The following PATE4 variants were observed in gnomAD, a reference collection of about 807,000 sequenced individuals.
PATE4 encodes the protein prostate and testis expressed protein 4.
Under a neutral mutation model 8.5 loss-of-function variants are expected in PATE4, and 13 were observed. The ratio of observed to expected loss-of-function variants is 1.53; its 90% CI spans 1.00 to 2.43. PATE4 has a LOEUF of 2.43. Among genes scored for constraint, PATE4 ranks in the 30% most tolerant of loss-of-function variants. The pLI, the probability that PATE4 is intolerant of heterozygous loss-of-function variation, is 0.00. For missense variants in PATE4, 127 were observed against 115.5 expected, an observed-to-expected ratio of 1.10 and a Z score of -0.46; for synonymous variants, 47 against 39.3, an observed-to-expected ratio of 1.20 and a Z score of -0.73.
chr11:125,835,967 T>G (rs1409590267), intron 1 of PATE4: 1 of 151,886 alleles, frequency 6.6e-6, no homozygotes, highest in Admixed American at 6.6e-5. Context: ...TACGTGTGTG[T>G]GGGTGGGTGG....
At chr11:125,835,375 T>A (rs1397887497) in intron 1 of PATE4, 1 of 152,206 alleles carries the variant, frequency 6.6e-6, no homozygotes, top group African/African-American at 2.4e-5. Context: ...TTGCATTACA[T>A]ACAAGCAGGG....
rs890847069 is a variant in PATE4 at position 125,838,387 on chromosome 11, T to C, written c.257T>C (p.Val86Ala). ...EESSKRGLLRVTLCCDRNFCN... is the reference protein window; with the variant it reads ...EESSKRGLLRATLCCDRNFCN... ...TCCTCCAAAAGAGGCCTGTTGAGAG[T>C]GACACTGTGCTGTGACAGAAACTTC... The change falls in exon 3 of 3, where the codon GTG becomes GCG. Residue 86 changes from valine to alanine, a missense_variant. Coordinates refer to ENST00000457514, the MANE Select transcript of PATE4 (RefSeq NM_001144874.1). 6.4e-7 allele frequency: 1 copy of C among 1,551,316 alleles called. No homozygotes were observed. Among genetic ancestry groups the C allele is most frequent in the Non-Finnish European group, 8.7e-7 (1 of 1,146,852 alleles).
In PATE4 at chr11:125,838,584, C is replaced by A; in HGVS notation, c.*157C>A. The A allele has an allele frequency of 1.4e-6, 1 of 714,222 alleles. No homozygotes were observed. The highest frequency in any genetic ancestry group is 3.1e-5 in the South Asian group (1 of 32,090). 44.2% of individuals were successfully genotyped at this position (714,222 alleles called of 1,614,324 possible). On this transcript the variant is annotated 3_prime_UTR_variant, in exon 3 of 3. Transcript: ENST00000457514. ...CTCATTGCAATGAAGGGGCTCCCCACACCCCACCTCCACCACTAGATTCCT... is the reference window on the plus strand; with the variant it reads ...CTCATTGCAATGAAGGGGCTCCCCAAACCCCACCTCCACCACTAGATTCCT...
chr11:125,837,513 T>C (rs1184637938), intron 1 of PATE4, among the ~76,000 whole-genome samples: 5 of 152,222 alleles, frequency 3.3e-5, no homozygotes, highest in Admixed American at 6.5e-5. Flanking sequence ...TTAGCTAAAG[T>C]ATTCCCCTGC....
chr11:125,833,559 T>A, intron 1 of PATE4, 142 bp downstream of exon 1: 1 of 691,528 alleles, frequency 1.4e-6, no homozygotes. Context: ...AGAGAGATCA[T>A]ATATAACACA....
At chr11:125,838,044 G>T in intron 2 of PATE4, 60 bp downstream of exon 2, 1 of 1,310,822 alleles carries the variant, frequency 7.6e-7, no homozygotes, top group Non-Finnish European at 1.1e-6. Context: ...TCTTGCTAGT[G>T]CCTGGAATAA....
intron 1 of PATE4, among the ~76,000 whole-genome samples, chr11:125,834,015 T>A (rs73621110): frequency 0.023 from 3,507 of 152,316 alleles, 131 homozygotes; most frequent in African/African-American, 0.078. Context: ...TAGTGAATGA[T>A]TCCTATGCTT....
intron 1 of PATE4, 86 bp downstream of exon 1, chr11:125,833,503 C>T: frequency 8.1e-7 from 1 of 1,234,648 alleles, no homozygotes; most frequent in Non-Finnish European, 1.2e-6. Context: ...CTCACATGCT[C>T]CAGCTGAGAC....
Position 125,833,434 on chromosome 11 carries a change from G to C in PATE4, c.58+17G>C. The C allele has an allele frequency of 3.9e-6, 6 of 1,550,004 alleles. No homozygotes were observed. The highest frequency in any genetic ancestry group is 2.0e-5 in the Admixed American group (1 of 50,988). Reference sequence around the variant, plus strand: ...TCAAAGAGGGTAAGTTTGAACAATGGGGGTGGAGGGAGGCAACTTAGGGGT... The same window carrying C: ...TCAAAGAGGGTAAGTTTGAACAATGCGGGTGGAGGGAGGCAACTTAGGGGT... On this transcript the variant is annotated intron_variant, in intron 1 of 2. Coordinates refer to ENST00000457514, the MANE Select transcript of PATE4 (RefSeq NM_001144874.1).
intron 1 of PATE4, among the ~76,000 whole-genome samples, 159 bp from the exon 2 acceptor site, chr11:125,837,709 C>G (rs1192930661): frequency 2.0e-5 from 3 of 152,172 alleles, no homozygotes; most frequent in African/African-American, 7.2e-5. Flanking sequence ...CACCTCCTAG[C>G]TTAACTTACA....
chr11:125,837,158 C>T (rs915067490), intron 1 of PATE4, among the ~76,000 whole-genome samples: 9 of 152,152 alleles, frequency 5.9e-5, no homozygotes, highest in Admixed American at 5.9e-4. Flanking sequence ...CTACTTTCCC[C>T]ATCATCACCA....
intron 1 of PATE4, 86 bp downstream of exon 1, chr11:125,833,503 C>G: frequency 1.6e-6 from 2 of 1,234,648 alleles, no homozygotes; most frequent in Non-Finnish European, 2.3e-6. Context: ...CTCACATGCT[C>G]CAGCTGAGAC....
chr11:125,836,107 G>A (rs10160562), intron 1 of PATE4, among the ~76,000 whole-genome samples: 129,941 of 150,094 alleles, frequency 0.87, 56,382 homozygotes, highest in East Asian at 1. Flanking sequence ...TCTTATGCCC[G>A]AAAGTGATGG....
At chr11:125,833,624 C>G (rs1943902046) in intron 1 of PATE4, among the ~76,000 whole-genome samples, 5 of 152,148 alleles carry the variant, frequency 3.3e-5, no homozygotes, top group Admixed American at 2.6e-4. Flanking sequence ...AATTTTCCAA[C>G]TTCATATTAA....
At position 125,838,592 on chromosome 11, in the gene PATE4, C is replaced by T. The variant is rs528022708; in HGVS notation, c.*165C>T. On this transcript the variant is annotated 3_prime_UTR_variant, in exon 3 of 3. Coordinates refer to ENST00000457514, the MANE Select transcript of PATE4 (RefSeq NM_001144874.1). Reference sequence around the variant, plus strand: ...AATGAAGGGGCTCCCCACACCCCACCTCCACCACTAGATTCCTAAAATCAT... The same window carrying T: ...AATGAAGGGGCTCCCCACACCCCACTTCCACCACTAGATTCCTAAAATCAT... 27 of 646,656 alleles carry T rather than the reference C, an allele frequency of 4.2e-5. No individual in the cohort carries two copies. The highest frequency in any genetic ancestry group is 3.4e-4 in the East Asian group (11 of 32,160). 40.1% of individuals were successfully genotyped at this position (646,656 alleles called of 1,614,324 possible).
chr11:125,835,906 C>G (rs1943916168), intron 1 of PATE4: 1 of 152,224 alleles, frequency 6.6e-6, no homozygotes, highest in African/African-American at 2.4e-5. Context: ...AAAGCCACCC[C>G]CTCCTGCCCA....
At position 125,838,297 on chromosome 11, in the gene PATE4, C is replaced by T. The variant is rs1565435314; in HGVS notation, c.176-9C>T. 6.5e-7 allele frequency: 1 copy of T among 1,532,430 alleles called. No individual in the cohort carries two copies. The highest frequency in any genetic ancestry group is 2.2e-5 in the Admixed American group (1 of 45,454). 94.9% of individuals were successfully genotyped at this position (1,532,430 alleles called of 1,614,324 possible). A position where few individuals can be genotyped will look rare whatever the true frequency, so the allele number is the denominator to read the frequency against. On this transcript the variant is annotated splice_polypyrimidine_tract_variant and intron_variant, in intron 2 of 2. Coordinates refer to ENST00000457514, the MANE Select transcript of PATE4 (RefSeq NM_001144874.1). ...CTCCAGCATTTATAACAGGCTTCTTCATTTTCAGGAGACAAACATATGTAC... is the reference window on the plus strand; with the variant it reads ...CTCCAGCATTTATAACAGGCTTCTTTATTTTCAGGAGACAAACATATGTAC...
In PATE4 at chr11:125,838,033, C is replaced by T. The variant is rs373301128; in HGVS notation, c.175+49C>T. On this transcript the variant is annotated intron_variant, in intron 2 of 2. Transcript: ENST00000457514. Reference sequence around the variant, plus strand: ...CAAAATTGCCTGCAAAGAACCATCACTCTTGCTAGTGCCTGGAATAAAGAA... The same window carrying T: ...CAAAATTGCCTGCAAAGAACCATCATTCTTGCTAGTGCCTGGAATAAAGAA... The T allele has an allele frequency of 1.5e-5, 21 of 1,367,076 alleles. No homozygotes were observed. The African/African-American group carries it at 2.7e-4, about 18-fold the overall frequency. 84.7% of individuals were successfully genotyped at this position (1,367,076 alleles called of 1,614,324 possible).
rs1020727938 is a variant in PATE4 at position 125,838,798 on chromosome 11, T to C, written c.*371T>C. On this transcript the variant is annotated 3_prime_UTR_variant, in exon 3 of 3. Coordinates refer to ENST00000457514, the MANE Select transcript of PATE4 (RefSeq NM_001144874.1). ...GGGACTTTGAAAATGTGATTAAGGA[T>C]CTTGAGAAGGGGAGGTTATCTTGCA... 6 of 179,586 alleles carry C rather than the reference T, an allele frequency of 3.3e-5. No individual in the cohort carries two copies. Among genetic ancestry groups the C allele is most frequent in the African/African-American group, 2.3e-5 (1 of 42,666 alleles). 11.1% of individuals were successfully genotyped at this position (179,586 alleles called of 1,614,324 possible). A position where few individuals can be genotyped will look rare whatever the true frequency, so the allele number is the denominator to read the frequency against.
Sources: allele counts gnomAD v4.1 joint callset (sites outside exome capture counted in the v4.1 genomes callset), GRCh38; gene constraint gnomAD v4.1.1; transcripts MANE v1.5; gene names NCBI Gene and HGNC (gene_info 2026-07-23, HGNC 2026-07-21).